FSIP2: variants seen among roughly 807,000 people sequenced by gnomAD.
FSIP2 encodes the protein fibrous sheath interacting protein 2.
In FSIP2, 367 loss-of-function variants were observed where a neutral mutation model predicts 510.5. The ratio of observed to expected loss-of-function variants is 0.72; its 90% CI spans 0.66 to 0.78. FSIP2 has a LOEUF of 0.78. Among genes scored for constraint, FSIP2 ranks in the 30% least tolerant of loss-of-function variants. The probability of loss-of-function intolerance (pLI) is 0.00; values close to 1 mark genes in which losing one functional copy is unlikely to be tolerated. For synonymous variants in FSIP2, 2,601 were observed against 2,732.2 expected, an observed-to-expected ratio of 0.95 and a Z score of 1.50; for missense variants, 7,594 against 7,901.7, an observed-to-expected ratio of 0.96 and a Z score of 1.48.
rs780943136 is a variant in FSIP2, at chr2:185,806,699, TG to T, written c.17394del (p.Ile5799SerfsTer31). 1 of 1,603,000 alleles carries T rather than the reference TG, an allele frequency of 6.2e-7. No homozygotes were observed. Among genetic ancestry groups the T allele is most frequent in the Non-Finnish European group, 8.5e-7 (1 of 1,176,452 alleles). ...EDVITEMVKQ[L>X]IFSSIPETQI... ...GTTATTACTGAGATGGTTAAACAAT[TG>T]ATCTTTTCTTCTATACCAGAAACAC... On this transcript the variant is annotated frameshift_variant, in exon 17 of 23. Transcript: ENST00000424728. LOFTEE classifies it high-confidence loss of function.
At chr2:185,823,145 T>A (rs554652294) in intron 19 of FSIP2, among the ~76,000 whole-genome samples, 1 of 152,004 alleles carries the variant, frequency 6.6e-6, no homozygotes, top group East Asian at 2.0e-4. Context: ...ACATTGGATT[T>A]AAAAATTTTT....
At chr2:185,757,039 G>T (rs1181224984) in intron 9 of FSIP2, among the ~76,000 whole-genome samples, 1 of 151,280 alleles carries the variant, frequency 6.6e-6, no homozygotes, top group Non-Finnish European at 1.5e-5. Flanking sequence ...TTTAACTCCA[G>T]AATTCATGGG....
rs561846362 is a variant in FSIP2 at position 185,811,923 on chromosome 2, T to A, written c.19828-1622T>A. Among the ~76,000 whole-genome samples, 3 of 152,146 alleles carry A rather than the reference T, an allele frequency of 2.0e-5. No homozygotes were observed. The South Asian group carries it at 6.2e-4, about 32-fold the overall frequency. On this transcript the variant is annotated intron_variant, in intron 17 of 22. Coordinates refer to ENST00000424728, the MANE Select transcript of FSIP2 (RefSeq NM_173651.4). ...CTCTGCCTAGATTTCAGAGGGTGTA[T>A]GGAAAAACCTGCATGCCCAGGCAGA...
Position 185,809,149 on chromosome 2 carries a change from A to G in FSIP2, c.19827+16A>G, listed in dbSNP as rs1401767198. On this transcript the variant is annotated intron_variant, in intron 17 of 22. Transcript: ENST00000424728. ...ACCCCTAGAGGTAAGTGCAAAAGCA[A>G]TGGCATGAAAATGAGTGAATAGTGA... 1 of 1,524,528 alleles carries G rather than the reference A, an allele frequency of 6.6e-7. No homozygotes were observed. The highest frequency in any genetic ancestry group is 8.8e-7 in the Non-Finnish European group (1 of 1,142,462). 94.4% of individuals were successfully genotyped at this position (1,524,528 alleles called of 1,614,324 possible). A position where few individuals can be genotyped will look rare whatever the true frequency, so the allele number is the denominator to read the frequency against.
Position 185,795,713 on chromosome 2 carries a change from G to C in FSIP2, c.8577G>C (p.Leu2859Phe). ...AGGAAAATGAAAAATGTAAGCTATT[G>C]ATGATAGCTGAAAATGTTTTGACTG... ...NDKENEKCKL[L>F]MIAENVLTEI... is the part of the protein sequence containing the mutation. Residue 2859 changes from leucine (L) to phenylalanine (F), a missense_variant, in exon 16 of 23, where the codon TTG becomes TTC. Leu to Phe is a conservative substitution (Grantham distance 22). Transcript: ENST00000424728. 6.5e-7 allele frequency: 1 copy of C among 1,530,716 alleles called. No individual in the cohort carries two copies. The highest frequency in any genetic ancestry group is 8.7e-7 in the Non-Finnish European group (1 of 1,143,200). The allele number at this position is 1,530,716 out of a possible 1,614,324, so 94.8% of individuals were successfully genotyped here. A position where few individuals can be genotyped will look rare whatever the true frequency, so the allele number is the denominator to read the frequency against.
chr2:185,776,177 G>T (rs1033030176), intron 13 of FSIP2, among the ~76,000 whole-genome samples: 4 of 152,106 alleles, frequency 2.6e-5, no homozygotes, highest in Non-Finnish European at 5.9e-5. Flanking sequence ...AAGCTGAGGT[G>T]GGATAATGAC....
chr2:185,818,321 T>G (rs1693859611), intron 19 of FSIP2, among the ~76,000 whole-genome samples: 1 of 151,766 alleles, frequency 6.6e-6, no homozygotes, highest in Non-Finnish European at 1.5e-5. Flanking sequence ...AAGCAATGCC[T>G]AAGGGATTTT....
chr2:185,810,713 G>A (rs1693710465), intron 17 of FSIP2, among the ~76,000 whole-genome samples: 1 of 149,840 alleles, frequency 6.7e-6, no homozygotes, highest in Non-Finnish European at 1.5e-5. Flanking sequence ...CACAGAGGCT[G>A]AAGACAGAGC....
rs1195595276 is a variant in FSIP2 at position 185,800,238 on chromosome 2, T to C, written c.10932T>C (p.Leu3644=). The C allele has an allele frequency of 1.3e-6, 2 of 1,532,386 alleles. No homozygotes were observed. Among genetic ancestry groups the C allele is most frequent in the Non-Finnish European group, 1.7e-6 (2 of 1,145,112 alleles). 94.9% of individuals were successfully genotyped at this position (1,532,386 alleles called of 1,614,324 possible). A position where few individuals can be genotyped will look rare whatever the true frequency, so the allele number is the denominator to read the frequency against. The part of the protein sequence containing the change: ...FSMHRNNSVP[L]CNKINRQASP... ...TGCATAGAAATAATAGTGTACCCCTTTGCAACAAAATCAATAGACAGGCAA... is the reference window on the plus strand; with the variant it reads ...TGCATAGAAATAATAGTGTACCCCTCTGCAACAAAATCAATAGACAGGCAA... The change falls in exon 17 of 23, where the codon CTT becomes CTC. Residue 3644 remains leucine (L), a synonymous_variant. Coordinates refer to ENST00000424728, the MANE Select transcript of FSIP2 (RefSeq NM_173651.4).
rs1462507238 is a variant in FSIP2, at chr2:185,793,795, A to G, written c.6659A>G (p.Gln2220Arg). Residue 2220 changes from glutamine (Q) to arginine (R), a missense_variant, in exon 16 of 23, where the codon CAG (glutamine) becomes CGG (arginine). Transcript: ENST00000424728. ...KTERFSYSRN[Q>R]KSAYADDNQI... Reference sequence around the variant, plus strand: ...GAGCGTTTTTCATATTCAAGAAATCAGAAATCAGCTTATGCTGATGATAAT... The same window carrying G: ...GAGCGTTTTTCATATTCAAGAAATCGGAAATCAGCTTATGCTGATGATAAT... The G allele has an allele frequency of 6.5e-7, 1 of 1,532,830 alleles. No homozygotes were observed. The highest frequency in any genetic ancestry group is 8.7e-7 in the Non-Finnish European group (1 of 1,145,274). 95.0% of individuals were successfully genotyped at this position (1,532,830 alleles called of 1,614,324 possible).
At position 185,797,383 on chromosome 2, in the gene FSIP2, A is replaced by AT. The variant is rs1693317429; in HGVS notation, c.10247_10248insT (p.Lys3416AsnfsTer13). The AT allele has an allele frequency of 6.5e-7, 1 of 1,528,894 alleles. No homozygotes were observed. Among genetic ancestry groups the AT allele is most frequent in the African/African-American group, 1.4e-5 (1 of 72,314 alleles). The allele number at this position is 1,528,894 out of a possible 1,614,324, so 94.7% of individuals were successfully genotyped here. On this transcript the variant is annotated frameshift_variant, in exon 16 of 23. Transcript: ENST00000424728. LOFTEE classifies it high-confidence loss of function. ...TCTTTTTTGCAAAAATTGAAAAAAAAGGAGTACCCAAAGATAGAGACTGTG... is the reference window on the plus strand; with the variant it reads ...TCTTTTTTGCAAAAATTGAAAAAAAATGGAGTACCCAAAGATAGAGACTGTG...
At chr2:185,785,570 T>TATTTATTTA (rs921201016) in intron 14 of FSIP2, among the ~76,000 whole-genome samples, 2 of 71,756 alleles carry the variant, frequency 2.8e-5, no homozygotes, top group Non-Finnish European at 6.9e-5. Flanking sequence ...TAGATTTTAA[T>TATTTATTTA]ATTTATTTTT....
At position 185,739,012 on chromosome 2, in the gene FSIP2, G is replaced by C; in HGVS notation, c.99+19G>C. 4 of 1,528,318 alleles carry C rather than the reference G, an allele frequency of 2.6e-6. No individual in the cohort carries two copies. The highest frequency in any genetic ancestry group is 3.5e-6 in the Non-Finnish European group (4 of 1,144,070). The allele number at this position is 1,528,318 out of a possible 1,614,324, so 94.7% of individuals were successfully genotyped here. On this transcript the variant is annotated intron_variant, in intron 1 of 22. Coordinates refer to ENST00000424728, the MANE Select transcript of FSIP2 (RefSeq NM_173651.4). ...CAGAGACGTGAGTGGCCGCAAGCTG[G>C]GCGGCGTCGCCCTCTGGCGGCCGCA...
At position 185,808,339 on chromosome 2, in the gene FSIP2, G is replaced by T. The variant is rs1384970355; in HGVS notation, c.19033G>T (p.Ala6345Ser). The change falls in exon 17 of 23, where the codon GCC (alanine) becomes TCC (serine). Residue 6345 changes from alanine to serine, a missense_variant. Transcript: ENST00000424728. ...ATCCAGAAAAGGTTTGACATTAGAT[G>T]CCAAACTTTTAGAAGAGGTGTTGGC... is the stretch of plus-strand genomic sequence containing the variant. ...SSSRKGLTLD[A>S]KLLEEVLALF... The T allele has an allele frequency of 6.2e-7, 1 of 1,610,808 alleles. No individual in the cohort carries two copies. The highest frequency in any genetic ancestry group is 1.3e-5 in the African/African-American group (1 of 74,880).
At chr2:185,739,305 G>T (rs1314124009) in intron 1 of FSIP2, 41 bp from the exon 2 acceptor site, 3 of 1,496,746 alleles carry the variant, frequency 2.0e-6, no homozygotes. Context: ...AACTAATACT[G>T]CCTAAAAGGA....
chr2:185,748,829 A>G (rs1372804841), intron 7 of FSIP2, among the ~76,000 whole-genome samples: 2 of 151,970 alleles, frequency 1.3e-5, no homozygotes, highest in Admixed American at 6.6e-5. Context: ...TTATTTTACA[A>G]TTGTCTTTTG....
chr2:185,790,514 T>A lies in FSIP2; in HGVS notation c.3378T>A (p.Phe1126Leu), dbSNP rs1319983719. The A allele has an allele frequency of 1.3e-6, 2 of 1,534,090 alleles. No individual in the cohort carries two copies. The highest frequency in any genetic ancestry group is 2.7e-5 in the African/African-American group (2 of 72,906). The change falls in exon 16 of 23, where the codon TTT (phenylalanine) becomes TTA (leucine). Residue 1126 changes from phenylalanine (F) to leucine (L), a missense_variant. Phe to Leu is a conservative substitution (Grantham distance 22). Coordinates refer to ENST00000424728, the MANE Select transcript of FSIP2 (RefSeq NM_173651.4). ...EMLKDISSVPFGHLDSKTGSE... is the reference protein window; with the variant it reads ...EMLKDISSVPLGHLDSKTGSE... ...TCAAGGACATATCTTCCGTTCCTTT[T>A]GGTCACTTAGACAGCAAAACTGGCA...
chr2:185,832,992 C>A, intron 22 of FSIP2, 98 bp from the exon 23 acceptor site: 1 of 982,364 alleles, frequency 1.0e-6, no homozygotes, highest in Admixed American at 2.1e-5. Context: ...ACCCTATTAC[C>A]AGCTGGGCCA....
In FSIP2 at chr2:185,814,059, A is replaced by C. The variant is rs200366178; in HGVS notation, c.20325+17A>C. On this transcript the variant is annotated intron_variant, in intron 18 of 22. Coordinates refer to ENST00000424728, the MANE Select transcript of FSIP2 (RefSeq NM_173651.4). ...CAGTGTAAGGTAAGTGATAAGCATG[A>C]CTGTTAGTGACTAGAAAGGGGAGAC... 1 of 1,588,130 alleles carries C rather than the reference A, an allele frequency of 6.3e-7. No individual in the cohort carries two copies. Among genetic ancestry groups the C allele is most frequent in the Non-Finnish European group, 8.6e-7 (1 of 1,167,612 alleles).
Sources: gnomAD v4.1 joint callset for allele counts (sites outside exome capture counted in the v4.1 genomes callset) on GRCh38, gnomAD v4.1.1 for gene constraint, MANE v1.5 for transcripts, NCBI Gene and HGNC (gene_info 2026-07-23, HGNC 2026-07-21) for gene names.